Variants in DMD observed in about 807,000 individuals in gnomAD.
DMD encodes dystrophin.
DMD carries 63 observed loss-of-function variants against 330.1 expected under a neutral mutation model. The observed-to-expected ratio is 0.19, with a 90% confidence interval of 0.16 to 0.24. The LOEUF (loss-of-function observed/expected upper bound fraction) is 0.24. Ranked by LOEUF, DMD falls within the 10% of genes least tolerant of loss-of-function variation. DMD has a pLI of 1.00. For synonymous variants in DMD, 1,223 were observed against 959.8 expected (o/e 1.27, Z -5.07); for missense variants, 3,344 against 2,684.1 (o/e 1.25, Z -5.43).
intron 2 of DMD, among the ~76,000 whole-genome samples, chrX:32,877,104 G>C (rs1008153372): frequency 8.9e-6 from 1 of 111,907 alleles, no homozygotes; most frequent in African/African-American, 3.2e-5. Flanking sequence ...CAATTATTCT[G>C]ATGCAGAATC....
intron 16 of DMD, among the ~76,000 whole-genome samples, chrX:32,554,755 C>T (rs900679807): frequency 1.8e-4 from 16 of 89,416 alleles, no homozygotes; most frequent in Admixed American, 3.9e-4. Context: ...GGGATTTCTC[C>T]CAAACTTATA....
intron 33 of DMD, among the ~76,000 whole-genome samples, chrX:32,384,390 G>A (rs137900132): frequency 0.021 from 1,963 of 92,711 alleles, 47 homozygotes; most frequent in African/African-American, 0.084. Context: ...AGGTACCTTG[G>A]TAGACCAAAT....
At chrX:32,790,077 C>T (rs1436043827) in intron 7 of DMD, among the ~76,000 whole-genome samples, 1 of 111,591 alleles carries the variant, frequency 9.0e-6, no homozygotes, top group Non-Finnish European at 1.9e-5. Context: ...ACACGATTGC[C>T]ATAAGACAAA....
At chrX:33,009,282 GTATGTGTGTATATGTGTATATA>G (rs2093527495) in intron 2 of DMD, among the ~76,000 whole-genome samples, 1 of 35,361 alleles carries the variant, frequency 2.8e-5, no homozygotes, top group Non-Finnish European at 6.9e-5. Flanking sequence ...ACACATATGT[GTATGTGTGTATATGTGTATATA>G]CACATGTGTG....
chrX:32,900,589 A>G (rs2086148041), intron 2 of DMD, among the ~76,000 whole-genome samples: 1 of 111,028 alleles, frequency 9.0e-6, no homozygotes, highest in African/African-American at 3.3e-5. Context: ...AAGCAATCCT[A>G]CCACCTCAGC....
chrX:32,616,194 C>T (rs1033167463), intron 11 of DMD, among the ~76,000 whole-genome samples: 5 of 111,019 alleles, frequency 4.5e-5, no homozygotes, highest in African/African-American at 1.6e-4. Flanking sequence ...ATGTGACCAC[C>T]TGGCTAAAGT....
rs779460302 is a variant in DMD, at chrX:32,003,888, G to A, written c.6439-35374C>T. Among the ~76,000 whole-genome samples, 27 of 111,152 alleles carry A rather than the reference G, an allele frequency of 2.4e-4. No homozygotes were observed. The South Asian group carries it at 9.4e-3, about 39-fold the overall frequency. On this transcript the variant is annotated intron_variant, in intron 44 of 78. Transcript: ENST00000357033. ...TAGTTCTCTTGAATCCAGATGCTGC[G>A]TGGGGGTTAAATTTTACAGATTCAG...
chrX:31,625,594 C>T (rs1190962174), intron 55 of DMD, among the ~76,000 whole-genome samples: 1 of 112,056 alleles, frequency 8.9e-6, no homozygotes, highest in African/African-American at 3.2e-5. Flanking sequence ...TAATTTCCAA[C>T]TGCTTTTGAA....
At chrX:33,249,866 A>G (rs2052740141) in intron 1 of DMD, among the ~76,000 whole-genome samples, 1 of 110,259 alleles carries the variant, frequency 9.1e-6, no homozygotes, top group Admixed American at 9.7e-5. Flanking sequence ...ACCATGTAGT[A>G]TGTTCCATTC....
At chrX:32,651,918 G>A (rs1285455639) in intron 9 of DMD, among the ~76,000 whole-genome samples, 18 of 111,854 alleles carry the variant, frequency 1.6e-4, no homozygotes, top group African/African-American at 5.2e-4. Flanking sequence ...CGAACTCTGC[G>A]CCTTCTGTTA....
At chrX:31,875,714 T>C (rs1442915051) in intron 47 of DMD, among the ~76,000 whole-genome samples, 1 of 112,424 alleles carries the variant, frequency 8.9e-6, no homozygotes, top group East Asian at 2.8e-4. Flanking sequence ...TTACTAAATA[T>C]ACTGGTGTGT....
intron 2 of DMD, among the ~76,000 whole-genome samples, chrX:32,871,188 C>G (rs1338558748): frequency 9.1e-6 from 1 of 109,955 alleles, no homozygotes; most frequent in African/African-American, 3.3e-5. Context: ...TCTGCTTCAC[C>G]AACAGTTCAT....
intron 60 of DMD, 100 bp downstream of exon 60, chrX:31,444,381 T>G: frequency 1.1e-6 from 1 of 941,989 alleles, no homozygotes; most frequent in Non-Finnish European, 1.5e-6. Flanking sequence ...AATATTACCA[T>G]GAACATTACA....
chrX:32,674,038 C>T (rs775934809), intron 9 of DMD, among the ~76,000 whole-genome samples: 1 of 111,708 alleles, frequency 9.0e-6, no homozygotes, highest in Admixed American at 9.6e-5. Context: ...AATAAAGTAA[C>T]ACAAAACCCC....
chrX:31,204,051 A>T lies in DMD; in HGVS notation c.9717T>A (p.His3239Gln). The change falls in exon 67 of 79, where the codon CAT becomes CAA. Residue 3239 changes from histidine (H) to glutamine (Q), a missense_variant. Coordinates refer to ENST00000357033, the MANE Select transcript of DMD (RefSeq NM_004006.3). ...CDQRRLGLLL[H>Q]DSIQIPRQLG... ...ACTGTCTTGGAATTTGGATAGAATC[A>T]TGCAGAAGGAGGCCCAGCCTGCGCT... is the stretch of plus-strand genomic sequence containing the variant. 1 of 1,211,024 alleles carries T rather than the reference A, an allele frequency of 8.3e-7. No homozygotes were observed. The highest frequency in any genetic ancestry group is 1.1e-6 in the Non-Finnish European group (1 of 894,595).
At chrX:31,284,575 C>CT (rs1233953741) in intron 62 of DMD, among the ~76,000 whole-genome samples, 1 of 91,853 alleles carries the variant, frequency 1.1e-5, no homozygotes, top group African/African-American at 4.3e-5. Context: ...TCTTCTTCTT[C>CT]TTCTTCTTCT....
At chrX:31,421,259 A>C (rs943179576) in intron 60 of DMD, among the ~76,000 whole-genome samples, 1 of 112,230 alleles carries the variant, frequency 8.9e-6, no homozygotes, top group Admixed American at 9.5e-5. Context: ...TTTCTTTTCC[A>C]AGAGGTTCTT....
intron 9 of DMD, among the ~76,000 whole-genome samples, chrX:32,652,371 G>A (rs1425176260): frequency 2.0e-5 from 2 of 99,469 alleles, no homozygotes; most frequent in African/African-American, 7.5e-5. Context: ...CCACCCATGA[G>A]TGAGAACATG....
At chrX:33,033,602 T>C (rs1212752770) in intron 1 of DMD, among the ~76,000 whole-genome samples, 1 of 104,778 alleles carries the variant, frequency 9.5e-6, no homozygotes, top group Non-Finnish European at 1.9e-5. Flanking sequence ...ACCTGTAGTC[T>C]CAGCTACTTG....
Sources: allele counts gnomAD v4.1 joint callset (sites outside exome capture counted in the v4.1 genomes callset), GRCh38; gene constraint gnomAD v4.1.1; transcripts MANE v1.5; gene names NCBI Gene and HGNC (gene_info 2026-07-23, HGNC 2026-07-21).